The following CYP1A2 variants were observed in gnomAD, a reference collection of about 807,000 sequenced individuals.
CYP1A2 encodes the protein cytochrome P450 family 1 subfamily A member 2, also known as cytochrome P450 1A2.
A neutral mutation model predicts 34.7 loss-of-function variants in CYP1A2; 35 were observed. The observed-to-expected ratio is 1.01, with a 90% CI of 0.77 to 1.34. The LOEUF is 1.34. Ranked by LOEUF, CYP1A2 falls within the 40% of genes most tolerant of loss-of-function variation. The pLI is 0.00. For missense variants in CYP1A2, 675 were observed against 675.8 expected, an observed-to-expected ratio of 1.00 and a Z score of 0.01; for synonymous variants, 288 against 281.9, an observed-to-expected ratio of 1.02 and a Z score of -0.22.
chr15:74,752,870 C>CTTGTTT (rs2063322407), intron 5 of CYP1A2, among the ~76,000 whole-genome samples: 1 of 96,198 alleles, frequency 1.0e-5, no homozygotes, highest in Non-Finnish European at 2.0e-5. Context: ...CTGCCTGCTG[C>CTTGTTT]TTTTTTTTTT....
chr15:74,751,314 G>A lies in CYP1A2; in HGVS notation c.952+5G>A, dbSNP rs2063314577. 1 of 1,613,764 alleles carries A rather than the reference G, an allele frequency of 6.2e-7. No individual in the cohort carries two copies. On this transcript the variant is annotated splice_donor_5th_base_variant and intron_variant, in intron 3 of 6. Transcript: ENST00000343932. The stretch of plus-strand genomic sequence containing the variant: ...TCAATGACATCTTTGGAGCAGGTAG[G>A]AACCAGAACCTTGCCCCTCCATCCA...
At chr15:74,751,121 G>T (rs938777273) in intron 2 of CYP1A2, 68 bp from the exon 3 acceptor site, 70 of 1,594,992 alleles carry the variant, frequency 4.4e-5, no homozygotes, top group Non-Finnish European at 5.6e-5. Context: ...CAGGCCAGGG[G>T]AGTGGAGCAA....
chr15:74,751,356 ACCC>A, intron 3 of CYP1A2, 47 bp downstream of exon 3: 9 of 1,609,030 alleles, frequency 5.6e-6, no homozygotes, highest in Non-Finnish European at 7.6e-6. Flanking sequence ...CCTGCTGTTC[ACCC>A]ACAGCCTTGC....
chr15:74,752,706 T>G (rs2063321622), intron 5 of CYP1A2, among the ~76,000 whole-genome samples: 1 of 152,136 alleles, frequency 6.6e-6, no homozygotes, highest in East Asian at 1.9e-4. Flanking sequence ...CTTATAGGAC[T>G]TACAGCCATC....
chr15:74,753,324 CTGTT>C, intron 6 of CYP1A2, 54 bp downstream of exon 6: 1 of 1,394,132 alleles, frequency 7.2e-7, no homozygotes, highest in Non-Finnish European at 1.0e-6. Flanking sequence ...GTCAGGAAGG[CTGTT>C]TGTCCCTGCT....
At chr15:74,751,346 C>G in intron 3 of CYP1A2, 37 bp downstream of exon 3, 1 of 1,611,412 alleles carries the variant, frequency 6.2e-7, no homozygotes, top group Non-Finnish European at 8.5e-7. Flanking sequence ...TCCAACAATG[C>G]CTGCTGTTCA....
Position 74,751,875 on chromosome 15 carries a change from CTA to C in CYP1A2, c.1042+24_1042+25del, listed in dbSNP as rs759497523. 2.0e-5 allele frequency: 33 copies of C among 1,610,072 alleles called. 1 individual carries two copies. The Middle Eastern group carries it at 5.0e-4, about 24-fold the overall frequency. On this transcript the variant is annotated intron_variant, in intron 4 of 6. Transcript: ENST00000343932. ...GCTGGGTACATGGGGGCCCCCAACC[CTA>C]TAGCCAGGAGAAGCCTTGAGACCCA...
In CYP1A2 at chr15:74,754,828, C is replaced by T. The variant is rs28399424; in HGVS notation, c.1291C>T (p.Arg431Trp). ...GGACCCCTCTGAGTTCCGGCCTGAGCGGTTCCTCACCGCCGATGGCACTGC... is the reference window on the plus strand; with the variant it reads ...GGACCCCTCTGAGTTCCGGCCTGAGTGGTTCCTCACCGCCGATGGCACTGC... Reference protein sequence around the residue: ...WEDPSEFRPERFLTADGTAIN... With the variant: ...WEDPSEFRPEWFLTADGTAIN... The change falls in exon 7 of 7, where the codon CGG becomes TGG. Residue 431 changes from arginine (R) to tryptophan (W), a missense_variant. Physicochemically the swap from Arg to Trp is moderately radical, Grantham distance 101. Transcript: ENST00000343932. 1.3e-3 allele frequency: 2,043 copies of T among 1,614,074 alleles called. 2 individuals are homozygous for T. Among genetic ancestry groups the T allele is most frequent in the Non-Finnish European group, 1.2e-3 (1,445 of 1,179,954 alleles).
rs1302160533 is a variant in CYP1A2 at position 74,751,307 on chromosome 15, C to T, written c.950C>T (p.Ala317Val). ...AACCTTGTCAATGACATCTTTGGAGCAGGTAGGAACCAGAACCTTGCCCCT... is the reference window on the plus strand; with the variant it reads ...AACCTTGTCAATGACATCTTTGGAGTAGGTAGGAACCAGAACCTTGCCCCT... ...IVNLVNDIFG[A>V]GFDTVTTAIS... is the part of the protein sequence containing the mutation. Residue 317 changes from alanine (A) to valine (V), a missense_variant and splice_region_variant, in exon 3 of 7, where the codon GCA becomes GTA. Transcript: ENST00000343932. The T allele has an allele frequency of 6.2e-7, 1 of 1,613,914 alleles. No individual in the cohort carries two copies. The highest frequency in any genetic ancestry group is 1.3e-5 in the African/African-American group (1 of 74,916).
At chr15:74,749,426 A>C (rs978730733) in intron 1 of CYP1A2, among the ~76,000 whole-genome samples, 1 of 152,112 alleles carries the variant, frequency 6.6e-6, no homozygotes, top group Admixed American at 6.5e-5. Context: ...TGGCTTCCCC[A>C]TTTTGGAGTG....
intron 5 of CYP1A2, among the ~76,000 whole-genome samples, chr15:74,752,970 C>T (rs1009534510): frequency 2.0e-5 from 3 of 148,708 alleles, no homozygotes; most frequent in African/African-American, 5.0e-5. Flanking sequence ...CGCAGCCAGG[C>T]GCAAAGAGAA....
chr15:74,749,921 G>C lies in CYP1A2; in HGVS notation c.183G>C (p.Pro61=). 6.2e-7 allele frequency: 1 copy of C among 1,610,838 alleles called. No individual in the cohort carries two copies. Among genetic ancestry groups the C allele is most frequent in the South Asian group, 1.1e-5 (1 of 90,900 alleles). Residue 61 remains proline, a synonymous_variant, in exon 2 of 7, where the codon CCG becomes CCC. Coordinates refer to ENST00000343932, the MANE Select transcript of CYP1A2 (RefSeq NM_000761.5). The part of the protein sequence containing the change: ...LGHVLTLGKN[P]HLALSRMSQR... ...ATGTGCTGACCCTGGGGAAGAACCCGCACCTGGCACTGTCAAGGATGAGCC... is the reference window on the plus strand; with the variant it reads ...ATGTGCTGACCCTGGGGAAGAACCCCCACCTGGCACTGTCAAGGATGAGCC...
In CYP1A2 at chr15:74,749,311, C is replaced by G. The variant is rs539136028; in HGVS notation, c.-10+414C>G. On this transcript the variant is annotated intron_variant, in intron 1 of 6. Transcript: ENST00000343932. ...ACTGGGTAGGGGGAACTCCTGGTCC[C>G]TTGGGTATATGGAAGGTATCAGCAG... Among the ~76,000 whole-genome samples the G allele has an allele frequency of 1.4e-3, 208 of 152,326 alleles. 1 individual carries two copies. In the Middle Eastern group the frequency reaches 0.034, roughly 25 times the overall value.
rs1475790190 is a variant in CYP1A2 at position 74,754,806 on chromosome 15, C to T, written c.1269C>T (p.Asp423=). The T allele has an allele frequency of 1.9e-6, 3 of 1,611,960 alleles. No homozygotes were observed. The African/African-American group carries it at 4.0e-5, about 22-fold the overall frequency. ...QVNHDPELWE[D]PSEFRPERFL... ...CCTCTTGCAGAGAGCTGTGGGAGGA[C>T]CCCTCTGAGTTCCGGCCTGAGCGGT... Residue 423 remains aspartate, a synonymous_variant, in exon 7 of 7, where the codon GAC becomes GAT. Transcript: ENST00000343932.
At chr15:74,750,930 T>C (rs2063312273) in intron 2 of CYP1A2, among the ~76,000 whole-genome samples, 1 of 152,204 alleles carries the variant, frequency 6.6e-6, no homozygotes, top group Admixed American at 6.5e-5. Flanking sequence ...CTTCCCTGTG[T>C]TCACACTAAC....
In CYP1A2 at chr15:74,755,096, A is replaced by G; in HGVS notation, c.*8A>G. 6.3e-7 allele frequency: 1 copy of G among 1,595,844 alleles called. No individual in the cohort carries two copies. The highest frequency in any genetic ancestry group is 8.6e-7 in the Non-Finnish European group (1 of 1,169,414). On this transcript the variant is annotated 3_prime_UTR_variant, in exon 7 of 7. Transcript: ENST00000343932. ...CGCTTCTCCATCAATTGAAGAAGAC[A>G]CCACCATTCTGAGGCCAGGGAGCGA... is the stretch of plus-strand genomic sequence containing the variant.
chr15:74,751,778 C>T lies in CYP1A2; in HGVS notation c.966C>T (p.Val322=). Reference sequence around the variant, plus strand: ...TACACGGTTCAGGATTTGACACAGTCACCACAGCCATCTCCTGGAGCCTCA... The same window carrying T: ...TACACGGTTCAGGATTTGACACAGTTACCACAGCCATCTCCTGGAGCCTCA... ...NDIFGAGFDT[V]TTAISWSLMY... Residue 322 remains valine (V), a synonymous_variant, in exon 4 of 7, where the codon GTC becomes GTT. Coordinates refer to ENST00000343932, the MANE Select transcript of CYP1A2 (RefSeq NM_000761.5). 1 of 1,614,076 alleles carries T rather than the reference C, an allele frequency of 6.2e-7. No homozygotes were observed.
At position 74,751,820 on chromosome 15, in the gene CYP1A2, G is replaced by A. The variant is rs149391165; in HGVS notation, c.1008G>A (p.Lys336=). 8 of 1,614,032 alleles carry A rather than the reference G, an allele frequency of 5.0e-6. No individual in the cohort carries two copies. Among genetic ancestry groups the A allele is most frequent in the Non-Finnish European group, 6.8e-6 (8 of 1,180,028 alleles). Residue 336 remains lysine (K), a synonymous_variant, in exon 4 of 7, where the codon AAG becomes AAA. Coordinates refer to ENST00000343932, the MANE Select transcript of CYP1A2 (RefSeq NM_000761.5). Reference sequence around the variant, plus strand: ...GGAGCCTCATGTACCTTGTGACCAAGCCTGAGATACAGAGGAAGATCCAGA... The same window carrying A: ...GGAGCCTCATGTACCTTGTGACCAAACCTGAGATACAGAGGAAGATCCAGA... ...ISWSLMYLVT[K]PEIQRKIQKE...
Position 74,753,261 on chromosome 15 carries a change from A to C in CYP1A2, c.1244A>C (p.Asn415Thr), listed in dbSNP as rs1052561630. The stretch of plus-strand genomic sequence containing the variant: ...GTCTTCGTAAACCAGTGGCAGGTCA[A>C]CCATGACCCGTGAGTACATACCCCT... ...CCVFVNQWQV[N>T]HDPELWEDPS... The change falls in exon 6 of 7, where the codon AAC (asparagine) becomes ACC (threonine). Residue 415 changes from asparagine to threonine, a missense_variant. Coordinates refer to ENST00000343932, the MANE Select transcript of CYP1A2 (RefSeq NM_000761.5). The C allele has an allele frequency of 6.2e-7, 1 of 1,613,710 alleles. No homozygotes were observed. Among genetic ancestry groups the C allele is most frequent in the Non-Finnish European group, 8.5e-7 (1 of 1,179,794 alleles).
Sources: gnomAD v4.1 joint callset for allele counts (sites outside exome capture counted in the v4.1 genomes callset) on GRCh38, gnomAD v4.1.1 for gene constraint, MANE v1.5 for transcripts, NCBI Gene and HGNC (gene_info 2026-07-23, HGNC 2026-07-21) for gene names.